The following ROBO2 variants were observed in gnomAD, a reference collection of about 807,000 sequenced individuals.
ROBO2 encodes the protein roundabout guidance receptor 2.
ROBO2 carries 53 observed loss-of-function variants against 160.8 expected under a neutral mutation model. That is an observed-to-expected ratio of 0.33 (90% CI 0.26 to 0.41). ROBO2 has a LOEUF of 0.41. Ranked by LOEUF, ROBO2 falls within the 10% of genes least tolerant of loss-of-function variation. The probability of loss-of-function intolerance (pLI) is 1.00; values close to 1 mark genes in which losing one functional copy is unlikely to be tolerated. For synonymous variants in ROBO2, 664 were observed against 611.7 expected, an observed-to-expected ratio of 1.09 and a Z score of -1.26; for missense variants, 1,577 against 1,722.4, an observed-to-expected ratio of 0.92 and a Z score of 1.49.
chr3:77,287,774 G>T (rs2153381599), intron 2 of ROBO2, among the ~76,000 whole-genome samples: 1 of 152,194 alleles, frequency 6.6e-6, no homozygotes, highest in Non-Finnish European at 1.5e-5. Context: ...TTCTTTTGCA[G>T]ATTGTACTCC....
At chr3:76,677,084 A>T (rs75626559) in intron 2 of ROBO2, among the ~76,000 whole-genome samples, 3,415 of 151,688 alleles carry the variant, frequency 0.023, 130 homozygotes, top group African/African-American at 0.073. Context: ...TTTCTAGGCA[A>T]TTTTTTTTTC....
At chr3:76,987,327 T>A (rs1178809182) in intron 2 of ROBO2, among the ~76,000 whole-genome samples, 1 of 152,180 alleles carries the variant, frequency 6.6e-6, no homozygotes, top group Non-Finnish European at 1.5e-5. Flanking sequence ...GTTCATTTTG[T>A]TTCAGTTCCA....
chr3:76,483,818 T>A (rs551382412), intron 2 of ROBO2, among the ~76,000 whole-genome samples: 4 of 152,228 alleles, frequency 2.6e-5, no homozygotes, highest in African/African-American at 4.8e-5. Context: ...ATGCGGTATG[T>A]GGTTTTCTGT....
In ROBO2 at chr3:77,384,559, G is replaced by A. The variant is rs553957452; in HGVS notation, c.389-92855G>A. 4.6e-5 allele frequency among the ~76,000 whole-genome samples: 7 copies of A among 152,284 alleles called. No individual in the cohort carries two copies. The South Asian group carries it at 1.4e-3, about 32-fold the overall frequency. The stretch of plus-strand genomic sequence containing the variant: ...CAGCCTTCTAGTCTCCTATTACTGA[G>A]AAGATTATGTGTGGCTTTAAGACAC... On this transcript the variant is annotated intron_variant, in intron 2 of 25. Coordinates refer to ENST00000461745, the Ensembl canonical transcript of ROBO2.
intron 2 of ROBO2, among the ~76,000 whole-genome samples, chr3:76,825,274 A>G (rs2066465433): frequency 6.6e-6 from 1 of 152,180 alleles, no homozygotes; most frequent in Non-Finnish European, 1.5e-5. Context: ...AAAGGCAATA[A>G]ATGGATGACT....
At chr3:77,078,944 G>T (rs771229989) in intron 1 of ROBO2, among the ~76,000 whole-genome samples, 78 of 152,098 alleles carry the variant, frequency 5.1e-4, no homozygotes, top group Middle Eastern at 3.4e-3. Flanking sequence ...TTATTTTATT[G>T]ATTGATTGAT....
intron 2 of ROBO2, among the ~76,000 whole-genome samples, chr3:77,373,518 G>A (rs2072125165): frequency 6.6e-6 from 1 of 151,836 alleles, no homozygotes; most frequent in Non-Finnish European, 1.5e-5. Flanking sequence ...TATTTCCATG[G>A]TAGGTCTTCC....
chr3:76,190,620 T>A (rs1008851691), intron 2 of ROBO2, among the ~76,000 whole-genome samples: 1 of 152,126 alleles, frequency 6.6e-6, no homozygotes, highest in African/African-American at 2.4e-5. Flanking sequence ...ATGTTAATGT[T>A]TCTGTCTTAT....
At chr3:77,396,991 A>C (rs903721242) in intron 2 of ROBO2, among the ~76,000 whole-genome samples, 4 of 152,120 alleles carry the variant, frequency 2.6e-5, no homozygotes, top group Non-Finnish European at 4.4e-5. Flanking sequence ...TATATGTTAA[A>C]ATTTTCAGAT....
chr3:77,392,370 C>T (rs2074824290), intron 2 of ROBO2, among the ~76,000 whole-genome samples: 2 of 152,178 alleles, frequency 1.3e-5, no homozygotes, highest in Admixed American at 6.5e-5. Context: ...GGATAAGCTG[C>T]AACGGCAACC....
chr3:76,316,412 A>C (rs1199831076), intron 2 of ROBO2, among the ~76,000 whole-genome samples: 1 of 152,164 alleles, frequency 6.6e-6, no homozygotes, highest in Admixed American at 6.5e-5. Flanking sequence ...TCCTACTTCC[A>C]TGTCCATTTA....
intron 2 of ROBO2, among the ~76,000 whole-genome samples, chr3:77,238,901 T>C (rs2088508141): frequency 6.6e-6 from 1 of 152,150 alleles, no homozygotes; most frequent in Admixed American, 6.5e-5. Flanking sequence ...GGCAGATATC[T>C]TGAGCAATTA....
At chr3:77,358,359 G>A (rs147935906) in intron 2 of ROBO2, among the ~76,000 whole-genome samples, 3 of 152,142 alleles carry the variant, frequency 2.0e-5, no homozygotes, top group East Asian at 1.9e-4. Context: ...TAACAACACT[G>A]CTTAGATTAG....
chr3:77,610,338 T>G (rs2094603867), intron 21 of ROBO2, among the ~76,000 whole-genome samples: 1 of 151,982 alleles, frequency 6.6e-6, no homozygotes, highest in Non-Finnish European at 1.5e-5. Flanking sequence ...TCCATACTTA[T>G]TAGAGACCAG....
At chr3:76,735,526 C>T (rs1454639827) in intron 2 of ROBO2, among the ~76,000 whole-genome samples, 2 of 151,944 alleles carry the variant, frequency 1.3e-5, no homozygotes, top group Non-Finnish European at 2.9e-5. Context: ...CTTTGGGAGG[C>T]CAAGGCAGGC....
At chr3:76,896,372 A>AT (rs879505898) in intron 2 of ROBO2, among the ~76,000 whole-genome samples, 3 of 152,096 alleles carry the variant, frequency 2.0e-5, no homozygotes, top group Non-Finnish European at 4.4e-5. Context: ...TATGATCTTG[A>AT]TTTTTTTAAC....
chr3:76,358,441 G>C (rs919091249), intron 2 of ROBO2, among the ~76,000 whole-genome samples: 2 of 151,820 alleles, frequency 1.3e-5, no homozygotes, highest in Admixed American at 1.3e-4. Context: ...GTACTAACTT[G>C]TTATTCAGAC....
intron 14 of ROBO2, 80 bp from the exon 16 acceptor site, chr3:77,577,410 T>C: frequency 6.3e-7 from 1 of 1,590,540 alleles, no homozygotes; most frequent in Non-Finnish European, 8.6e-7. Flanking sequence ...GCAACTTGTC[T>C]TTATACTCAT....
In ROBO2 at chr3:75,983,183, A is replaced by G. The variant is rs926938950; in HGVS notation, c.109+45581A>G. On this transcript the variant is annotated intron_variant, in intron 2 of 26. Transcript: ENST00000487694. ...GCTCTTTTTCCTTAGAAAAAAGTGCAATGTTTTACTTCATTCTGACCTTGA... is the reference window on the plus strand; with the variant it reads ...GCTCTTTTTCCTTAGAAAAAAGTGCGATGTTTTACTTCATTCTGACCTTGA... Among the ~76,000 whole-genome samples the G allele has an allele frequency of 3.3e-4, 50 of 151,628 alleles. 1 individual carries two copies. The highest frequency in any genetic ancestry group is 1.2e-3 in the African/African-American group (50 of 41,496).
Sources: allele counts gnomAD v4.1 joint callset (sites outside exome capture counted in the v4.1 genomes callset), GRCh38; gene constraint gnomAD v4.1.1; transcripts MANE v1.5; gene names NCBI Gene and HGNC (gene_info 2026-07-23, HGNC 2026-07-21).